ARHGAP44: variants seen among roughly 807,000 people sequenced by gnomAD.
ARHGAP44 encodes the protein rho GTPase-activating protein 44.
ARHGAP44 carries 43 observed loss-of-function variants against 106.8 expected under a neutral mutation model. That is an observed-to-expected ratio of 0.40 (90% CI 0.32 to 0.52). ARHGAP44 has a LOEUF of 0.52. Among genes scored for constraint, ARHGAP44 ranks in the 20% least tolerant of loss-of-function variants. The probability of loss-of-function intolerance (pLI) is 0.48; values close to 1 mark genes in which losing one functional copy is unlikely to be tolerated. For missense variants in ARHGAP44, 866 were observed against 1,050.5 expected, an observed-to-expected ratio of 0.82 and a Z score of 2.43; for synonymous variants, 439 against 410.3, an observed-to-expected ratio of 1.07 and a Z score of -0.85.
chr17:12,959,140 C>T (rs2039199227), intron 16 of ARHGAP44: 1 of 480,906 alleles, frequency 2.1e-6, no homozygotes, highest in Admixed American at 3.4e-5. Context: ...TTAATTAGTT[C>T]TCATCAAAAG....
chr17:12,872,660 T>C (rs1177041159), intron 1 of ARHGAP44, among the ~76,000 whole-genome samples: 4 of 152,176 alleles, frequency 2.6e-5, no homozygotes, highest in Non-Finnish European at 5.9e-5. Context: ...CTCTGAAAGC[T>C]TTTTAGGATC....
At position 12,924,844 on chromosome 17, in the gene ARHGAP44, T is replaced by G. The variant is rs561070588; in HGVS notation, c.465-4085T>G. Among the ~76,000 whole-genome samples the G allele has an allele frequency of 2.7e-3, 415 of 152,256 alleles. 2 individuals are homozygous for G. The highest frequency in any genetic ancestry group is 8.9e-3 in the African/African-American group (370 of 41,548). ...GATCTTGGATGTCCAGCCTCCAGAA[T>G]TGTGAGAAGATAAGCCTCTGTTGTT... On this transcript the variant is annotated intron_variant, in intron 6 of 20. Coordinates refer to ENST00000379672, the MANE Select transcript of ARHGAP44 (RefSeq NM_014859.6).
chr17:12,871,065 TCA>T (rs1273760072), intron 1 of ARHGAP44, among the ~76,000 whole-genome samples: 1 of 152,234 alleles, frequency 6.6e-6, no homozygotes, highest in Non-Finnish European at 1.5e-5. Context: ...TGTTTCGTAA[TCA>T]CATAGTTTGG....
At chr17:12,923,693 C>A (rs928325502) in intron 6 of ARHGAP44, among the ~76,000 whole-genome samples, 1 of 152,188 alleles carries the variant, frequency 6.6e-6, no homozygotes, top group African/African-American at 2.4e-5. Flanking sequence ...AAGGTATACT[C>A]TTTGTTTCCG....
chr17:12,875,352 G>A (rs1227243897), intron 1 of ARHGAP44, among the ~76,000 whole-genome samples: 2 of 152,192 alleles, frequency 1.3e-5, no homozygotes, highest in Non-Finnish European at 2.9e-5. Context: ...CCAGGACTTT[G>A]GGAGGCCAAG....
In ARHGAP44 at chr17:12,796,763, AT is replaced by A. The variant is rs962291701; in HGVS notation, c.53+6887del. On this transcript the variant is annotated intron_variant, in intron 1 of 20. Coordinates refer to ENST00000379672, the MANE Select transcript of ARHGAP44 (RefSeq NM_014859.6). ...AGGCACCTGCCACCACACCTGGCTA[AT>A]TTTTTTTTTTTTTTGAATTTTTAGT... 4.0e-3 allele frequency among the ~76,000 whole-genome samples: 556 copies of A among 139,306 alleles called. 1 individual carries two copies. The highest frequency in any genetic ancestry group is 0.011 in the Middle Eastern group (3 of 270). 91.4% of individuals were successfully genotyped at this position (139,306 alleles called of 152,430 possible).
intron 1 of ARHGAP44, among the ~76,000 whole-genome samples, chr17:12,860,836 G>A (rs1173484418): frequency 6.7e-6 from 1 of 150,138 alleles, no homozygotes; most frequent in Non-Finnish European, 1.5e-5. Context: ...GGACCAATCG[G>A]TATATGGTTT....
intron 6 of ARHGAP44, among the ~76,000 whole-genome samples, chr17:12,922,709 CTG>C: frequency 6.6e-6 from 1 of 152,096 alleles, no homozygotes; most frequent in South Asian, 2.1e-4. Flanking sequence ...GTCCGTTCTC[CTG>C]CCTCAGCCTC....
At position 12,986,884 on chromosome 17, in the gene ARHGAP44, C is replaced by T. The variant is rs2039973575; in HGVS notation, c.2317+1976C>T. 2.1e-5 allele frequency: 11 copies of T among 515,110 alleles called. No homozygotes were observed. In the Admixed American group the frequency reaches 3.4e-4, roughly 16 times the overall value. The allele number at this position is 515,110 out of a possible 1,614,324, so 31.9% of individuals were successfully genotyped here. A position where few individuals can be genotyped will look rare whatever the true frequency, so the allele number is the denominator to read the frequency against. On this transcript the variant is annotated intron_variant, in intron 20 of 20. Coordinates refer to ENST00000379672, the MANE Select transcript of ARHGAP44 (RefSeq NM_014859.6). ...CTGACCTTCAGGATTCATAATGTCC[C>T]TCGCCCTGTGCGGACCCTATTTTAA...
intron 1 of ARHGAP44, among the ~76,000 whole-genome samples, chr17:12,875,798 G>C (rs1015001833): frequency 6.6e-6 from 1 of 152,134 alleles, no homozygotes; most frequent in Non-Finnish European, 1.5e-5. Flanking sequence ...ACAAAAATTA[G>C]CCAGGCATGG....
intron 1 of ARHGAP44, among the ~76,000 whole-genome samples, chr17:12,836,758 A>G (rs1289413566): frequency 6.6e-6 from 1 of 152,222 alleles, no homozygotes; most frequent in Non-Finnish European, 1.5e-5. Flanking sequence ...CTGAGAACAG[A>G]GGCTCAAAAT....
At chr17:12,933,888 G>A (rs1041541496) in intron 7 of ARHGAP44, among the ~76,000 whole-genome samples, 8 of 141,216 alleles carry the variant, frequency 5.7e-5, no homozygotes, top group Admixed American at 2.3e-4. Flanking sequence ...TGGCTCTGTC[G>A]CCCAGGCTGG....
At chr17:12,930,319 C>T (rs373047488) in intron 7 of ARHGAP44, among the ~76,000 whole-genome samples, 19 of 151,974 alleles carry the variant, frequency 1.3e-4, no homozygotes, top group African/African-American at 3.1e-4. Flanking sequence ...CCGCAACTTC[C>T]GTCTCCCAGG....
At chr17:12,853,951 T>G (rs1319837296) in intron 1 of ARHGAP44, among the ~76,000 whole-genome samples, 1 of 152,212 alleles carries the variant, frequency 6.6e-6, no homozygotes, top group African/African-American at 2.4e-5. Flanking sequence ...CCCAGCTCAT[T>G]CTGTTCCCGC....
chr17:12,962,342 T>A (rs1025165908), intron 16 of ARHGAP44, among the ~76,000 whole-genome samples: 4 of 152,288 alleles, frequency 2.6e-5, no homozygotes, highest in Non-Finnish European at 5.9e-5. Context: ...CAGGGCTTGG[T>A]GACCAGTTCA....
chr17:12,854,847 A>G (rs1373100691), intron 1 of ARHGAP44, among the ~76,000 whole-genome samples: 1 of 151,574 alleles, frequency 6.6e-6, no homozygotes, highest in African/African-American at 2.4e-5. Context: ...AATCTCAGCT[A>G]CTTGGGAGGC....
chr17:12,959,598 C>T (rs1468201752), intron 16 of ARHGAP44, among the ~76,000 whole-genome samples: 1 of 152,184 alleles, frequency 6.6e-6, no homozygotes, highest in Non-Finnish European at 1.5e-5. Flanking sequence ...ACAGCTGACT[C>T]ACGGTGAGCA....
chr17:12,842,674 A>T (rs184486341), intron 1 of ARHGAP44, among the ~76,000 whole-genome samples: 1 of 152,202 alleles, frequency 6.6e-6, no homozygotes, highest in Admixed American at 6.5e-5. Context: ...TTTGAGAACA[A>T]CTTGCCTAGC....
At chr17:12,899,160 A>G (rs1403716126) in intron 3 of ARHGAP44, among the ~76,000 whole-genome samples, 1 of 151,944 alleles carries the variant, frequency 6.6e-6, no homozygotes, top group Non-Finnish European at 1.5e-5. Flanking sequence ...TAGTAGAGAC[A>G]GGGTTTCACC....
Sources: allele counts gnomAD v4.1 joint callset (sites outside exome capture counted in the v4.1 genomes callset), GRCh38; gene constraint gnomAD v4.1.1; transcripts MANE v1.5; gene names NCBI Gene and HGNC (gene_info 2026-07-23, HGNC 2026-07-21).